Variants in ARID1A observed in about 807,000 individuals in gnomAD.
ARID1A encodes AT-rich interaction domain 1A.
ARID1A carries 20 observed loss-of-function variants against 212.6 expected under a neutral mutation model. The observed-to-expected ratio is 0.09, with a 90% CI of 0.07 to 0.14. ARID1A has a LOEUF of 0.14. Among genes scored for constraint, ARID1A ranks in the 10% least tolerant of loss-of-function variants. The pLI, the probability that ARID1A is intolerant of heterozygous loss-of-function variation, is 1.00. For synonymous variants in ARID1A, 1,376 were observed against 1,222.1 expected (o/e 1.13, Z -2.63); for missense variants, 2,587 against 3,059.0 (o/e 0.85, Z 3.64).
chr1:26,718,657 A>G (rs1231840621), intron 1 of ARID1A, among the ~76,000 whole-genome samples: 1 of 152,198 alleles, frequency 6.6e-6, no homozygotes, highest in East Asian at 1.9e-4. Flanking sequence ...ACCTCATACA[A>G]CGTAGATATT....
chr1:26,746,225 A>G (rs959131200), intron 4 of ARID1A, among the ~76,000 whole-genome samples: 3 of 152,234 alleles, frequency 2.0e-5, no homozygotes, highest in Non-Finnish European at 4.4e-5. Context: ...AGAAGGATAT[A>G]AGAAGCATTT....
In ARID1A at chr1:26,781,202, A is replaced by G. The variant is rs552617811; in HGVS notation, c.*446A>G. 2.5e-5 allele frequency: 6 copies of G among 240,880 alleles called. No homozygotes were observed. In the East Asian group the frequency reaches 3.0e-4, roughly 12 times the overall value. 14.9% of individuals were successfully genotyped at this position (240,880 alleles called of 1,614,324 possible). ...ATACAAAAAAAAATTCTGAAGGACAAAAAAGGTGACTGCTGAACTGTGTGT... is the reference window on the plus strand; with the variant it reads ...ATACAAAAAAAAATTCTGAAGGACAGAAAAGGTGACTGCTGAACTGTGTGT... On this transcript the variant is annotated 3_prime_UTR_variant, in exon 20 of 20. Transcript: ENST00000324856.
At chr1:26,719,664 G>A (rs1346049651) in intron 1 of ARID1A, among the ~76,000 whole-genome samples, 4 of 151,966 alleles carry the variant, frequency 2.6e-5, no homozygotes, top group Non-Finnish European at 5.9e-5. Flanking sequence ...ACTGAGGCCG[G>A]GCACAGTGGC....
At chr1:26,764,131 T>C (rs1350316382) in intron 8 of ARID1A, 1 of 151,936 alleles carries the variant, frequency 6.6e-6, no homozygotes, top group Non-Finnish European at 1.5e-5. Flanking sequence ...CACCATGCCC[T>C]GCTAATTTTT....
rs139576809 is a variant in ARID1A at position 26,780,557 on chromosome 1, A to G, written c.6659A>G (p.Asn2220Ser). The G allele has an allele frequency of 2.2e-4, 356 of 1,614,030 alleles. 3 individuals are homozygous for G. Among genetic ancestry groups the G allele is most frequent in the Middle Eastern group, 2.0e-3 (12 of 6,062 alleles). Reference protein sequence around the residue: ...QSQASLLHMQNPPFEPTSVDM... With the variant: ...QSQASLLHMQSPPFEPTSVDM... The stretch of plus-strand genomic sequence containing the variant: ...CAGGCCAGCCTCCTCCACATGCAGA[A>G]CCCACCCTTTGAGCCAACTAGTGTG... Residue 2220 changes from asparagine (N) to serine (S), a missense_variant, in exon 20 of 20, where the codon AAC (asparagine) becomes AGC (serine). Asn to Ser is a conservative substitution (Grantham distance 46). Transcript: ENST00000324856. This position sits in a 1 kb window ranked among gnomAD's most constrained non-coding sequence, Gnocchi z 7.2.
Position 26,696,424 on chromosome 1 carries a change from C to T in ARID1A, c.21C>T (p.Pro7=), listed in dbSNP as rs2124739764. Residue 7 remains proline (P), a synonymous_variant, in exon 1 of 20, where the codon CCC becomes CCT. Coordinates refer to ENST00000324856, the MANE Select transcript of ARID1A (RefSeq NM_006015.6). ...GGATCATGGCCGCGCAGGTCGCCCC[C>T]GCCGCCGCCAGCAGCCTGGGCAACC... MAAQVA[P]AAASSLGNPP... 5 of 1,287,614 alleles carry T rather than the reference C, an allele frequency of 3.9e-6. No homozygotes were observed. Among genetic ancestry groups the T allele is most frequent in the East Asian group, 3.3e-5 (1 of 30,762 alleles). The allele number at this position is 1,287,614 out of a possible 1,614,324, so 79.8% of individuals were successfully genotyped here. A position where few individuals can be genotyped will look rare whatever the true frequency, so the allele number is the denominator to read the frequency against.
rs563347086 is a variant in ARID1A, at chr1:26,705,539, T to A, written c.1137+7999T>A. 9.0e-3 allele frequency among the ~76,000 whole-genome samples: 1,372 copies of A among 152,326 alleles called. 10 individuals carry two copies. The highest frequency in any genetic ancestry group is 0.02 in the Middle Eastern group (6 of 294). On this transcript the variant is annotated intron_variant, in intron 1 of 19. Transcript: ENST00000324856. ...TGGTTTAGAAATACCTTTTCCACTT[T>A]TTTTGCCTTGCCATTTTGGCATTTT...
At chr1:26,744,822 A>G (rs1316332110) in intron 4 of ARID1A, among the ~76,000 whole-genome samples, 2 of 151,990 alleles carry the variant, frequency 1.3e-5, no homozygotes, top group Non-Finnish European at 2.9e-5. Context: ...TGTGTGAGCA[A>G]TTCAAACCCC....
At chr1:26,733,403 C>G (rs2080699166) in intron 4 of ARID1A, among the ~76,000 whole-genome samples, 1 of 152,190 alleles carries the variant, frequency 6.6e-6, no homozygotes, top group East Asian at 1.9e-4. Context: ...AGCCAGAGTT[C>G]CTGGCTCTAG....
chr1:26,716,503 A>G (rs1032129677), intron 1 of ARID1A, among the ~76,000 whole-genome samples: 3 of 152,076 alleles, frequency 2.0e-5, no homozygotes, highest in Admixed American at 2.0e-4. Context: ...TAGTCTTGAG[A>G]TCTTAGGATG....
intron 11 of ARID1A, chr1:26,770,147 A>C (rs1378228168): frequency 6.6e-6 from 1 of 152,256 alleles, no homozygotes; most frequent in Non-Finnish European, 1.5e-5. Flanking sequence ...CGGGAGGCGG[A>C]GGTTGCAGTG....
intron 1 of ARID1A, among the ~76,000 whole-genome samples, chr1:26,724,875 C>T (rs1298761073): frequency 2.6e-5 from 4 of 152,180 alleles, no homozygotes; most frequent in Admixed American, 2.0e-4. Flanking sequence ...CCCTAAACTG[C>T]ATCTTTTGAT....
rs932664924 is a variant in ARID1A, at chr1:26,737,054, G to A, written c.1920+4262G>A. ...CTCTCTGGGATCACTTATCCCTCTTGGTAAGCACCATCCTGTATTTGACAG... is the reference window on the plus strand; with the variant it reads ...CTCTCTGGGATCACTTATCCCTCTTAGTAAGCACCATCCTGTATTTGACAG... On this transcript the variant is annotated intron_variant, in intron 4 of 19. Coordinates refer to ENST00000324856, the MANE Select transcript of ARID1A (RefSeq NM_006015.6). Among the ~76,000 whole-genome samples, 30 of 152,066 alleles carry A rather than the reference G, an allele frequency of 2.0e-4. 1 individual carries two copies. The highest frequency in any genetic ancestry group is 1.0e-4 in the Non-Finnish European group (7 of 68,018).
At chr1:26,720,579 T>G (rs755166667) in intron 1 of ARID1A, among the ~76,000 whole-genome samples, 2 of 151,764 alleles carry the variant, frequency 1.3e-5, no homozygotes, top group Admixed American at 6.6e-5. Flanking sequence ...CTCTTAAGAT[T>G]AAAAATACAG....
At chr1:26,726,170 T>C (rs917131963) in intron 1 of ARID1A, among the ~76,000 whole-genome samples, 1 of 147,570 alleles carries the variant, frequency 6.8e-6, no homozygotes, top group East Asian at 2.1e-4. Flanking sequence ...GTTTGTTTTT[T>C]TTTGTTTTTT....
chr1:26,702,864 G>A (rs926548899), intron 1 of ARID1A, among the ~76,000 whole-genome samples: 3 of 152,162 alleles, frequency 2.0e-5, no homozygotes, highest in Non-Finnish European at 4.4e-5. Context: ...GAAAATAGAA[G>A]TTTGGAAAGA....
chr1:26,747,572 G>A (rs2080849719), intron 4 of ARID1A, among the ~76,000 whole-genome samples: 1 of 152,036 alleles, frequency 6.6e-6, no homozygotes, highest in African/African-American at 2.4e-5. Context: ...GCCAGGTGTG[G>A]TGGCTTACAC....
chr1:26,763,553 A>G (rs1045401975), intron 8 of ARID1A, among the ~76,000 whole-genome samples: 3 of 152,192 alleles, frequency 2.0e-5, no homozygotes, highest in African/African-American at 7.2e-5. Context: ...CGGGCAGATC[A>G]TGAGGTCAGA....
chr1:26,751,132 G>A (rs1379549895), intron 4 of ARID1A, among the ~76,000 whole-genome samples: 2 of 151,990 alleles, frequency 1.3e-5, no homozygotes, highest in Admixed American at 6.6e-5. Flanking sequence ...GCGAGGGTCT[G>A]TAATCCCAGC....
Sources: allele counts gnomAD v4.1 joint callset (sites outside exome capture counted in the v4.1 genomes callset), GRCh38; gene constraint gnomAD v4.1.1; non-coding constraint Gnocchi (gnomAD v3.1); transcripts MANE v1.5; gene names NCBI Gene and HGNC (gene_info 2026-07-23, HGNC 2026-07-21).